The following SHISA6 variants were observed in gnomAD, a reference collection of about 807,000 sequenced individuals.
The protein encoded by SHISA6 is shisa family member 6.
A neutral mutation model predicts 47.9 loss-of-function variants in SHISA6; 22 were observed. That is an observed-to-expected ratio of 0.46 (90% CI 0.33 to 0.66). The LOEUF (loss-of-function observed/expected upper bound fraction) is 0.66, where lower values mean the gene tolerates loss of function less well. Ranked by LOEUF, SHISA6 falls within the 30% of genes least tolerant of loss-of-function variation. The pLI, the probability that SHISA6 is intolerant of heterozygous loss-of-function variation, is 0.02. For synonymous variants in SHISA6, 388 were observed against 337.8 expected (o/e 1.15, Z -1.63); for missense variants, 680 against 764.6 (o/e 0.89, Z 1.30).
chr17:11,243,542 G>C (rs185428955), intron 1 of SHISA6, among the ~76,000 whole-genome samples: 2 of 152,274 alleles, frequency 1.3e-5, no homozygotes, highest in East Asian at 3.9e-4. Context: ...ACAGCCTGTG[G>C]TCAGTCTTGG....
At chr17:11,348,124 C>A (rs8072822) in intron 2 of SHISA6, among the ~76,000 whole-genome samples, 16,173 of 152,132 alleles carry the variant, frequency 0.11, 894 homozygotes, top group African/African-American at 0.13. Flanking sequence ...AGCCTTGTGT[C>A]CTCCATATGT....
intron 2 of SHISA6, among the ~76,000 whole-genome samples, chr17:11,369,030 A>G (rs962159792): frequency 4.6e-5 from 7 of 152,200 alleles, no homozygotes; most frequent in African/African-American, 1.7e-4. Context: ...GATGAAGATA[A>G]TTTAGAAAGC....
In SHISA6 at chr17:11,440,764, G is replaced by A. The variant is rs565396478; in HGVS notation, c.895+61255G>A. Among the ~76,000 whole-genome samples, 67 of 151,984 alleles carry A rather than the reference G, an allele frequency of 4.4e-4. No individual in the cohort carries two copies. In the South Asian group the frequency reaches 0.013, roughly 29 times the overall value. ...AACCACCACCACAACCTCTGTGACC[G>A]CTGCTATCACTGGCCTGCTTCCAAC... On this transcript the variant is annotated intron_variant, in intron 3 of 5. Transcript: ENST00000441885.
intron 2 of SHISA6, among the ~76,000 whole-genome samples, chr17:11,371,917 A>C (rs55833890): frequency 0.031 from 4,641 of 152,146 alleles, 235 homozygotes; most frequent in African/African-American, 0.1. Context: ...GTTTTAATAG[A>C]TTGTGTTCAT....
At chr17:11,350,381 C>T (rs528887741) in intron 2 of SHISA6, among the ~76,000 whole-genome samples, 3 of 148,186 alleles carry the variant, frequency 2.0e-5, no homozygotes, top group East Asian at 2.0e-4. Context: ...GGGGTTTCAC[C>T]GTGTTGGCAA....
At chr17:11,312,156 A>T (rs1910361667) in intron 2 of SHISA6, among the ~76,000 whole-genome samples, 1 of 152,238 alleles carries the variant, frequency 6.6e-6, no homozygotes, top group East Asian at 1.9e-4. Context: ...TAAGTTTAGG[A>T]CTTATTTATT....
intron 2 of SHISA6, among the ~76,000 whole-genome samples, chr17:11,335,996 A>T: frequency 6.6e-6 from 1 of 151,782 alleles, no homozygotes; most frequent in Admixed American, 6.6e-5. Flanking sequence ...CAGGAGTTTG[A>T]GATCAGCCTG....
chr17:11,481,927 A>G (rs1215073013), intron 3 of SHISA6, among the ~76,000 whole-genome samples: 1 of 152,202 alleles, frequency 6.6e-6, no homozygotes, highest in East Asian at 1.9e-4. Context: ...TGCCATAAAA[A>G]AATACCAACA....
At chr17:11,511,229 G>A (rs1391471930) in intron 3 of SHISA6, among the ~76,000 whole-genome samples, 1 of 152,096 alleles carries the variant, frequency 6.6e-6, no homozygotes, top group African/African-American at 2.4e-5. Flanking sequence ...AGTGGGAGTT[G>A]AACGATGAGA....
intron 3 of SHISA6, among the ~76,000 whole-genome samples, chr17:11,525,631 C>CAAAAAAAAAAAAAAAAAAA (rs548619604): frequency 3.4e-5 from 2 of 58,904 alleles, no homozygotes; most frequent in Non-Finnish European, 5.9e-5. Context: ...GACTCCGTCT[C>CAAAAAAAAAAAAAAAAAAA]AAAAAAAAAA....
At chr17:11,403,818 C>T (rs190360363) in intron 3 of SHISA6, among the ~76,000 whole-genome samples, 11 of 152,314 alleles carry the variant, frequency 7.2e-5, no homozygotes, top group African/African-American at 2.6e-4. Flanking sequence ...CTCCCTCCCT[C>T]GATAATTGGA....
At chr17:11,376,011 T>C (rs944631369) in intron 2 of SHISA6, among the ~76,000 whole-genome samples, 6 of 152,284 alleles carry the variant, frequency 3.9e-5, no homozygotes, top group South Asian at 4.1e-4. Flanking sequence ...GTGCTTATGC[T>C]TCACGGAACT....
chr17:11,556,872 G>A (rs1206000685), intron 5 of SHISA6, among the ~76,000 whole-genome samples: 1 of 152,168 alleles, frequency 6.6e-6, no homozygotes, highest in Non-Finnish European at 1.5e-5. Context: ...GGGCAATGCA[G>A]GTTTGTGTGT....
At chr17:11,511,916 C>T (rs893349335) in intron 3 of SHISA6, among the ~76,000 whole-genome samples, 47 of 152,340 alleles carry the variant, frequency 3.1e-4, no homozygotes, top group East Asian at 9.7e-4. Flanking sequence ...GCATGCAGGA[C>T]GGAGACCTTG....
chr17:11,419,570 G>T (rs985886324), intron 3 of SHISA6, among the ~76,000 whole-genome samples: 3 of 152,182 alleles, frequency 2.0e-5, no homozygotes, highest in South Asian at 4.1e-4. Context: ...AAATGCTTTT[G>T]TGTGGCTCTT....
intron 3 of SHISA6, 78 bp from the exon 4 acceptor site, chr17:11,551,816 TAA>T (rs947062352): frequency 8.0e-7 from 1 of 1,246,062 alleles, no homozygotes; most frequent in Non-Finnish European, 1.1e-6. Flanking sequence ...ACATTAGAGG[TAA>T]AGAGAGATGC....
At chr17:11,461,600 G>GTT (rs1225374643) in intron 3 of SHISA6, among the ~76,000 whole-genome samples, 1 of 152,140 alleles carries the variant, frequency 6.6e-6, no homozygotes, top group East Asian at 1.9e-4. Context: ...ATGGGTAAGA[G>GTT]TTTTATTGTG....
intron 2 of SHISA6, among the ~76,000 whole-genome samples, chr17:11,354,312 G>A (rs1327731216): frequency 1.3e-5 from 2 of 152,132 alleles, no homozygotes; most frequent in African/African-American, 4.8e-5. Flanking sequence ...CTCTAGTTGT[G>A]CCCATTGCTG....
chr17:11,256,866 C>T (rs1481944550), intron 1 of SHISA6, among the ~76,000 whole-genome samples: 1 of 152,218 alleles, frequency 6.6e-6, no homozygotes, highest in Non-Finnish European at 1.5e-5. Context: ...CACATCTACT[C>T]TCTACCTGGC....
Sources: gnomAD v4.1 joint callset for allele counts (sites outside exome capture counted in the v4.1 genomes callset) on GRCh38, gnomAD v4.1.1 for gene constraint, MANE v1.5 for transcripts, NCBI Gene and HGNC (gene_info 2026-07-23, HGNC 2026-07-21) for gene names.